Variants in FSCN2 observed in about 807,000 individuals in gnomAD.
FSCN2 encodes fascin-2.
Under a neutral mutation model 37.8 loss-of-function variants are expected in FSCN2, and 46 were observed. That is an observed-to-expected ratio of 1.22 (90% CI 0.96 to 1.56). The LOEUF is 1.56. FSCN2 is among the 40% of genes most tolerant of loss of function. FSCN2 has a pLI of 0.00. For synonymous variants in FSCN2, 351 were observed against 309.4 expected (o/e 1.13, Z -1.41); for missense variants, 844 against 730.4 (o/e 1.16, Z -1.79).
chr17:81,525,425 C>CAAAAGAAAAAAAAAA (rs2032321396), upstream of FSCN2, among the ~76,000 whole-genome samples: 1 of 47,854 alleles, frequency 2.1e-5, no homozygotes. Flanking sequence ...GACTCTGTCT[C>CAAAAGAAAAAAAAAA]AAAAAAAAAA....
chr17:81,531,264 G>GTGA (rs2032553264), intron 1 of FSCN2, among the ~76,000 whole-genome samples: 6 of 94,128 alleles, frequency 6.4e-5, no homozygotes, highest in Admixed American at 4.2e-4. Context: ...GGTGATGATG[G>GTGA]TGGTGATGGC....
chr17:81,526,079 C>T (rs557702984), upstream of FSCN2, among the ~76,000 whole-genome samples: 1 of 152,370 alleles, frequency 6.6e-6, no homozygotes, highest in East Asian at 1.9e-4. Context: ...CTGCCCAGAG[C>T]CAGGCCCACT....
At chr17:81,525,425 C>CAAAAAAAAAAAAAAAAAAAAAAAAAA (rs1202765459), upstream of FSCN2, among the ~76,000 whole-genome samples, 2 of 47,880 alleles carry the variant, frequency 4.2e-5, no homozygotes, top group African/African-American at 8.3e-5. Context: ...GACTCTGTCT[C>CAAAAAAAAAAAAAAAAAAAAAAAAAA]AAAAAAAAAA....
At chr17:81,532,980 C>A (rs1036875862) in intron 1 of FSCN2, among the ~76,000 whole-genome samples, 1 of 152,136 alleles carries the variant, frequency 6.6e-6, no homozygotes, top group South Asian at 2.1e-4. Context: ...GAGGACCCAA[C>A]CACCAGGTGT....
chr17:81,523,522 G>A (rs1295980524), upstream of FSCN2: 2 of 152,446 alleles, frequency 1.3e-5, no homozygotes, highest in Admixed American at 6.5e-5. Flanking sequence ...GCTGGGCCAG[G>A]AGTGAGGACA....
At chr17:81,531,201 ATGGTGG>A (rs1252121598) in intron 1 of FSCN2, among the ~76,000 whole-genome samples, 7,669 of 123,670 alleles carry the variant, frequency 0.062, 298 homozygotes, top group African/African-American at 0.16. Flanking sequence ...GATGGTGGTG[ATGGTGG>A]TGATGGTGGT....
At chr17:81,528,162 C>T (rs895986695), upstream of FSCN2, among the ~76,000 whole-genome samples, 2 of 152,142 alleles carry the variant, frequency 1.3e-5, no homozygotes, top group South Asian at 2.1e-4. Flanking sequence ...GCTGGGCCCA[C>T]GCTATGAGGA....
At chr17:81,521,493 C>T in the FSCN2 span, among the ~76,000 whole-genome samples, 1 of 151,914 alleles carries the variant, frequency 6.6e-6, no homozygotes, top group African/African-American at 2.4e-5. Flanking sequence ...CCCTCTCCAT[C>T]CCCCAGCAGC....
At chr17:81,535,885 C>G (rs550734923) in intron 2 of FSCN2, among the ~76,000 whole-genome samples, 105 of 144,960 alleles carry the variant, frequency 7.2e-4, no homozygotes, top group African/African-American at 2.7e-3. Flanking sequence ...ATCCCCATCT[C>G]CATCTTCACC....
At chr17:81,515,219 A>G in the FSCN2 span, among the ~76,000 whole-genome samples, 244 of 152,134 alleles carry the variant, frequency 1.6e-3, no homozygotes, top group Admixed American at 4.5e-3. Flanking sequence ...GCCTCGCCCA[A>G]GGTCGCGCGG....
At chr17:81,525,857 C>T (rs1455656280), upstream of FSCN2, among the ~76,000 whole-genome samples, 1 of 152,224 alleles carries the variant, frequency 6.6e-6, no homozygotes, top group Non-Finnish European at 1.5e-5. Context: ...GGCTGGGCAA[C>T]AGCCTGGGGT....
At chr17:81,536,474 C>A in intron 3 of FSCN2, 148 bp from the exon 4 acceptor site, 1 of 1,521,406 alleles carries the variant, frequency 6.6e-7, no homozygotes, top group Non-Finnish European at 8.8e-7. Context: ...CTGGGAACCC[C>A]CTAGGCGCCT....
rs973481508 is a variant in FSCN2, at chr17:81,536,380, G to T, written c.1105+113G>T. 4 of 1,462,116 alleles carry T rather than the reference G, an allele frequency of 2.7e-6. No homozygotes were observed. The East Asian group carries it at 9.9e-5, about 36-fold the overall frequency. The allele number at this position is 1,462,116 out of a possible 1,614,324, so 90.6% of individuals were successfully genotyped here. On this transcript the variant is annotated intron_variant, in intron 3 of 4. Transcript: ENST00000417245. The stretch of plus-strand genomic sequence containing the variant: ...CTGGACCCTCCCCAGCCCACGGAAC[G>T]GGTGCTGTCATGGAGTCATACTTGC...
Position 81,536,744 on chromosome 17 carries a change from G to T in FSCN2, c.1228G>T (p.Asp410Tyr). ...GCTGGACACCAACCGCTCCGTCTAC[G>T]ACGTCTTCCACCTGAGCTTCAGCGA... ...NQLDTNRSVY[D>Y]VFHLSFSDGA... is the part of the protein sequence containing the mutation. The change falls in exon 4 of 5, where the codon GAC (aspartate) becomes TAC (tyrosine). Residue 410 changes from aspartate (D) to tyrosine (Y), a missense_variant. By Grantham distance (160) the Asp-to-Tyr change is radical. Transcript: ENST00000417245. The T allele has an allele frequency of 4.3e-6, 7 of 1,610,564 alleles. No homozygotes were observed. The highest frequency in any genetic ancestry group is 5.9e-6 in the Non-Finnish European group (7 of 1,179,108).
chr17:81,531,375 GTGA>G (rs2032574738), intron 1 of FSCN2, among the ~76,000 whole-genome samples: 1 of 98,894 alleles, frequency 1.0e-5, no homozygotes, highest in African/African-American at 4.0e-5. Flanking sequence ...GATGGTGGTG[GTGA>G]TGGTGGTGAT....
chr17:81,535,921 G>GCACCATCACTCC (rs1190819232), intron 2 of FSCN2, among the ~76,000 whole-genome samples: 1 of 143,274 alleles, frequency 7.0e-6, no homozygotes, highest in Non-Finnish European at 1.5e-5. Context: ...CCCATCACCT[G>GCACCATCACTCC]CACCATCACT....
the FSCN2 span, among the ~76,000 whole-genome samples, chr17:81,517,467 C>G: frequency 5.9e-3 from 899 of 152,302 alleles, 25 homozygotes; most frequent in Admixed American, 0.045. Context: ...CGTCAGGTGG[C>G]CCAGCAAACC....
At position 81,535,123 on chromosome 17, in the gene FSCN2, A is replaced by G. The variant is rs542647772; in HGVS notation, c.898A>G (p.Thr300Ala). Residue 300 changes from threonine (T) to alanine (A), a missense_variant, in exon 2 of 5, where the codon ACA becomes GCA. By Grantham distance (58) the Thr-to-Ala change is moderately conservative. Transcript: ENST00000417245. ...ETFLMQIDQE[T>A]KKCTFYSSTG... ...CTTCCTGATGCAAATTGACCAGGAGACAAAGAAGTGCACCTTCTATTCCAG... is the reference window on the plus strand; with the variant it reads ...CTTCCTGATGCAAATTGACCAGGAGGCAAAGAAGTGCACCTTCTATTCCAG... 2.7e-5 allele frequency: 41 copies of G among 1,533,554 alleles called. No homozygotes were observed. In the South Asian group the frequency reaches 4.7e-4, roughly 17 times the overall value. The allele number at this position is 1,533,554 out of a possible 1,614,324, so 95.0% of individuals were successfully genotyped here.
At chr17:81,531,874 T>TGATGGCGATGATGGC (rs2032647338) in intron 1 of FSCN2, among the ~76,000 whole-genome samples, 1 of 148,534 alleles carries the variant, frequency 6.7e-6, no homozygotes, top group Non-Finnish European at 1.5e-5. Context: ...GCGATGATGG[T>TGATGGCGATGATGGC]GATGATGGTG....
Sources: gnomAD v4.1 joint callset for allele counts (sites outside exome capture counted in the v4.1 genomes callset) on GRCh38, gnomAD v4.1.1 for gene constraint, MANE v1.5 for transcripts, NCBI Gene and HGNC (gene_info 2026-07-23, HGNC 2026-07-21) for gene names.